The following DMXL1 variants were observed in gnomAD, a reference collection of about 807,000 sequenced individuals.
DMXL1 encodes the protein Dmx like 1.
DMXL1 carries 99 observed loss-of-function variants against 319.2 expected under a neutral mutation model. The observed-to-expected ratio is 0.31, with a 90% CI of 0.26 to 0.37. DMXL1 has a LOEUF of 0.37. Ranked by LOEUF, DMXL1 falls within the 10% of genes least tolerant of loss-of-function variation. The pLI, the probability that DMXL1 is intolerant of heterozygous loss-of-function variation, is 1.00. For missense variants in DMXL1, 3,745 were observed against 3,595.6 expected, an observed-to-expected ratio of 1.04 and a Z score of -1.06; for synonymous variants, 1,385 against 1,235.2, an observed-to-expected ratio of 1.12 and a Z score of -2.54.
intron 3 of DMXL1, among the ~76,000 whole-genome samples, chr5:119,102,437 T>A (rs1388479141): frequency 6.6e-6 from 1 of 152,232 alleles, no homozygotes; most frequent in Non-Finnish European, 1.5e-5. Flanking sequence ...AACAGGTCAA[T>A]GAATGTTTTT....
intron 9 of DMXL1, among the ~76,000 whole-genome samples, chr5:119,122,130 CG>C (rs562765757): frequency 0.013 from 1,684 of 127,644 alleles, 55 homozygotes; most frequent in African/African-American, 0.05. Flanking sequence ...GCTGGCCGGG[CG>C]GGGGGCTGAC....
At chr5:119,230,598 C>T (rs1209975395) in intron 38 of DMXL1, among the ~76,000 whole-genome samples, 4 of 152,100 alleles carry the variant, frequency 2.6e-5, no homozygotes, top group Non-Finnish European at 4.4e-5. Flanking sequence ...AAAAGGATAT[C>T]TGGGCCGGGC....
At chr5:119,171,332 G>T in intron 24 of DMXL1, 52 bp downstream of exon 24, 1 of 1,509,588 alleles carries the variant, frequency 6.6e-7, no homozygotes, top group African/African-American at 1.4e-5. Flanking sequence ...AACTGTTTTT[G>T]GTGTTTCTTT....
At chr5:119,150,889 A>C (rs1769635280) in intron 18 of DMXL1, among the ~76,000 whole-genome samples, 1 of 151,538 alleles carries the variant, frequency 6.6e-6, no homozygotes, top group Admixed American at 6.6e-5. Context: ...TAAACAGCAA[A>C]CTCTTAATAT....
chr5:119,242,870 A>G (rs1385267567), intron 42 of DMXL1, among the ~76,000 whole-genome samples: 1 of 152,232 alleles, frequency 6.6e-6, no homozygotes, highest in Non-Finnish European at 1.5e-5. Flanking sequence ...CTTTTCAACA[A>G]ATAATGCCAG....
chr5:119,185,315 C>T (rs561336991), intron 28 of DMXL1, among the ~76,000 whole-genome samples: 56 of 152,108 alleles, frequency 3.7e-4, no homozygotes, highest in African/African-American at 1.3e-3. Flanking sequence ...GTACAACTAC[C>T]GTGGAGACTC....
chr5:119,097,301 C>T lies in DMXL1; in HGVS notation c.88-678C>T, dbSNP rs566621339. ...AAAATAACTTGGTGCAGTAAACATT[C>T]TTCAAATATCACTCTTTGTGGAAAT... On this transcript the variant is annotated intron_variant, in intron 1 of 43. Coordinates refer to ENST00000539542, the MANE Select transcript of DMXL1 (RefSeq NM_001290321.3). Among the ~76,000 whole-genome samples, 15 of 152,284 alleles carry T rather than the reference C, an allele frequency of 9.9e-5. 1 individual carries two copies. The South Asian group carries it at 2.7e-3, about 27-fold the overall frequency.
intron 1 of DMXL1, among the ~76,000 whole-genome samples, chr5:119,086,726 CATT>C (rs1162532841): frequency 1.3e-5 from 2 of 151,650 alleles, no homozygotes; most frequent in African/African-American, 2.4e-5. Context: ...TCTCATTACT[CATT>C]ATTGATTTGT....
chr5:119,185,120 C>T lies in DMXL1; in HGVS notation c.7136-4588C>T, dbSNP rs148711506. Among the ~76,000 whole-genome samples the T allele has an allele frequency of 7.8e-4, 119 of 152,140 alleles. 2 individuals carry two copies. In the East Asian group the frequency reaches 0.02, roughly 26 times the overall value. On this transcript the variant is annotated intron_variant, in intron 28 of 43. Transcript: ENST00000539542. ...TTCTTCCCCTTCTTTCCTCTGCTTT[C>T]ACCTCCACCTGCCCCCATCTCTCCT...
At chr5:119,188,533 G>A (rs996064328) in intron 28 of DMXL1, among the ~76,000 whole-genome samples, 1 of 152,162 alleles carries the variant, frequency 6.6e-6, no homozygotes, top group African/African-American at 2.4e-5. Context: ...ATGAGAAGTT[G>A]GTAAACTACC....
intron 19 of DMXL1, among the ~76,000 whole-genome samples, chr5:119,162,573 C>T (rs1229899515): frequency 6.6e-6 from 1 of 152,178 alleles, no homozygotes; most frequent in Non-Finnish European, 1.5e-5. Flanking sequence ...TAATCCCATT[C>T]ACGAGGGCAA....
At chr5:119,122,644 A>G (rs1320129079) in intron 9 of DMXL1, among the ~76,000 whole-genome samples, 2 of 140,310 alleles carry the variant, frequency 1.4e-5, no homozygotes, top group African/African-American at 5.4e-5. Context: ...CCGGGCAGAG[A>G]CGCCCTTCCC....
intron 13 of DMXL1, among the ~76,000 whole-genome samples, chr5:119,137,559 T>C (rs756972979): frequency 1.3e-5 from 2 of 152,182 alleles, no homozygotes. Flanking sequence ...TTGCCACATA[T>C]CAAGGGAGGC....
chr5:119,238,982 A>G lies in DMXL1; in HGVS notation c.8560-7A>G, dbSNP rs1452357868. 1 of 1,613,630 alleles carries G rather than the reference A, an allele frequency of 6.2e-7. No individual in the cohort carries two copies. The highest frequency in any genetic ancestry group is 1.3e-5 in the African/African-American group (1 of 75,032). On this transcript the variant is annotated splice_polypyrimidine_tract_variant and splice_region_variant and intron_variant, in intron 40 of 43. Transcript: ENST00000539542. ...GGAGTAACACGTATTGTTTGTAACCATTCCAGACTTGGCAGTGTCATAACA... is the reference window on the plus strand; with the variant it reads ...GGAGTAACACGTATTGTTTGTAACCGTTCCAGACTTGGCAGTGTCATAACA...
In DMXL1 at chr5:119,175,346, CTT is replaced by C. The variant is rs1388280243; in HGVS notation, c.6758+13_6758+14del. The C allele has an allele frequency of 5.0e-6, 8 of 1,595,900 alleles. No homozygotes were observed. The East Asian group carries it at 6.7e-5, about 13-fold the overall frequency. ...GGTAGTCATAACTACAGGTAACTAT[CTT>C]TTTATGAAATTTAAGAATGCTTACA... is the stretch of plus-strand genomic sequence containing the variant. On this transcript the variant is annotated intron_variant, in intron 26 of 43. Coordinates refer to ENST00000539542, the MANE Select transcript of DMXL1 (RefSeq NM_001290321.3).
At chr5:119,101,384 G>C (rs138977375) in intron 2 of DMXL1, among the ~76,000 whole-genome samples, 3 of 151,678 alleles carry the variant, frequency 2.0e-5, no homozygotes, top group African/African-American at 7.3e-5. Flanking sequence ...CTTTATATGA[G>C]ACTCACTCAA....
intron 30 of DMXL1, among the ~76,000 whole-genome samples, chr5:119,194,811 T>C (rs151158606): frequency 7.3e-4 from 111 of 152,206 alleles, no homozygotes; most frequent in African/African-American, 2.5e-3. Context: ...TCCCAGAACA[T>C]TGGGAGGCCG....
rs1769403359 is a variant in DMXL1, at chr5:119,149,975, C to T, written c.4148C>T (p.Thr1383Ile). 6.2e-7 allele frequency: 1 copy of T among 1,613,752 alleles called. No individual in the cohort carries two copies. The highest frequency in any genetic ancestry group is 1.3e-5 in the African/African-American group (1 of 74,986). Residue 1383 changes from threonine (T) to isoleucine (I), a missense_variant, in exon 18 of 44, where the codon ACC becomes ATC. Transcript: ENST00000539542. ...SLTISASGST[T>I]RDPQAFNKAE... ...ACAATCAGTGCTAGTGGAAGCACTA[C>T]CAGAGACCCCCAGGCATTCAACAAG...
Position 119,166,770 on chromosome 5 carries a change from G to T in DMXL1, c.5125G>T (p.Asp1709Tyr). 6.2e-7 allele frequency: 1 copy of T among 1,610,312 alleles called. No individual in the cohort carries two copies. The highest frequency in any genetic ancestry group is 2.2e-5 in the East Asian group (1 of 44,614). ...TTTTCTTTTAGCTGGTTGCCTCAGA[G>T]ATGCAATTGAGGTAATGAGTGAAAT... ...AFFLLAGCLR[D>Y]AIEVCLEKLN... The change falls in exon 22 of 44, where the codon GAT (aspartate) becomes TAT (tyrosine). Residue 1709 changes from aspartate to tyrosine, a missense_variant. Physicochemically the swap from Asp to Tyr is radical, Grantham distance 160. Transcript: ENST00000539542.
Sources: allele counts gnomAD v4.1 joint callset (sites outside exome capture counted in the v4.1 genomes callset), GRCh38; gene constraint gnomAD v4.1.1; transcripts MANE v1.5; gene names NCBI Gene and HGNC (gene_info 2026-07-23, HGNC 2026-07-21).